Variants in PRKG1 observed in about 807,000 individuals in gnomAD.
The protein encoded by PRKG1 is protein kinase cGMP-dependent 1.
In PRKG1, 35 loss-of-function variants were observed where a neutral mutation model predicts 88.1. The observed-to-expected ratio is 0.40, with a 90% CI of 0.30 to 0.53. The LOEUF (loss-of-function observed/expected upper bound fraction) is 0.53, where lower values mean the gene tolerates loss of function less well. Among genes scored for constraint, PRKG1 ranks in the 20% least tolerant of loss-of-function variants. The pLI, the probability that PRKG1 is intolerant of heterozygous loss-of-function variation, is 0.59. For missense variants in PRKG1, 540 were observed against 839.8 expected, an observed-to-expected ratio of 0.64 and a Z score of 4.41; for synonymous variants, 303 against 292.5, an observed-to-expected ratio of 1.04 and a Z score of -0.37.
intron 3 of PRKG1, among the ~76,000 whole-genome samples, chr10:51,653,159 G>A (rs1564591311): frequency 1.3e-5 from 2 of 152,144 alleles, no homozygotes; most frequent in Non-Finnish European, 1.5e-5. Flanking sequence ...TGTGAATAGT[G>A]CTGTAATAAC....
intron 1 of PRKG1, among the ~76,000 whole-genome samples, chr10:51,139,715 G>C (rs1845777694): frequency 6.6e-6 from 1 of 152,130 alleles, no homozygotes; most frequent in Admixed American, 6.6e-5. Flanking sequence ...CCTCTCTGCT[G>C]TCACCATCCT....
intron 4 of PRKG1, among the ~76,000 whole-genome samples, chr10:51,823,849 AT>A (rs200589056): frequency 1.0e-4 from 12 of 114,520 alleles, no homozygotes; most frequent in African/African-American, 2.8e-4. Context: ...ATTATCCAGA[AT>A]TTTTTTTTCT....
rs9415746 is a variant in PRKG1 at position 51,161,342 on chromosome 10, A to G, written c.478+8012A>G. 9.8e-3 allele frequency among the ~76,000 whole-genome samples: 1,495 copies of G among 152,284 alleles called. 33 individuals carry two copies. The highest frequency in any genetic ancestry group is 0.034 in the African/African-American group (1,407 of 41,568). ...ACCAGGTGTTTTACTCTAAAACATC[A>G]TTATTGAAAAAGTGACATATTTTGA... On this transcript the variant is annotated intron_variant, in intron 2 of 17. Transcript: ENST00000373980.
At chr10:51,689,270 A>ATCTC (rs1363186306) in intron 3 of PRKG1, among the ~76,000 whole-genome samples, 2 of 151,686 alleles carry the variant, frequency 1.3e-5, no homozygotes, top group African/African-American at 4.9e-5. Context: ...CTATCTATCT[A>ATCTC]TATTTCAAAG....
chr10:50,992,466 C>A (rs1381318874), intron 1 of PRKG1, among the ~76,000 whole-genome samples: 2 of 152,162 alleles, frequency 1.3e-5, no homozygotes, highest in Non-Finnish European at 2.9e-5. Context: ...CAGCCCTGTC[C>A]CAAGGTGGAT....
chr10:51,854,155 C>A (rs1487935026), intron 4 of PRKG1, among the ~76,000 whole-genome samples: 2 of 152,072 alleles, frequency 1.3e-5, no homozygotes, highest in African/African-American at 2.4e-5. Flanking sequence ...CATAGTCACT[C>A]AGTCATTTGG....
intron 2 of PRKG1, among the ~76,000 whole-genome samples, chr10:51,283,469 C>T (rs2132206933): frequency 6.6e-6 from 1 of 152,084 alleles, no homozygotes; most frequent in South Asian, 2.1e-4. Context: ...AACATGTGTC[C>T]TAGAGCTATT....
In PRKG1 at chr10:51,946,359, G is replaced by T. The variant is rs151249498; in HGVS notation, c.762+38789G>T. On this transcript the variant is annotated intron_variant, in intron 5 of 17. Transcript: ENST00000373980. ...TGTTGTTTATTCTAGTTATACATTCGTCTAAATTTTTTCCAAAGTTTTCAG... is the reference window on the plus strand; with the variant it reads ...TGTTGTTTATTCTAGTTATACATTCTTCTAAATTTTTTCCAAAGTTTTCAG... 3.3e-3 allele frequency among the ~76,000 whole-genome samples: 499 copies of T among 152,008 alleles called. 1 individual carries two copies. The highest frequency in any genetic ancestry group is 0.021 in the Middle Eastern group (6 of 292).
At chr10:51,919,906 TTAAA>T (rs1842426824) in intron 5 of PRKG1, among the ~76,000 whole-genome samples, 1 of 152,194 alleles carries the variant, frequency 6.6e-6, no homozygotes. Flanking sequence ...CTGGTACTTA[TTAAA>T]TAAACAATAA....
At chr10:51,700,269 A>G (rs1841432107) in intron 3 of PRKG1, among the ~76,000 whole-genome samples, 1 of 152,196 alleles carries the variant, frequency 6.6e-6, no homozygotes, top group African/African-American at 2.4e-5. Flanking sequence ...AGACCCTTCT[A>G]GGTTTTTCCT....
intron 7 of PRKG1, among the ~76,000 whole-genome samples, chr10:52,068,093 C>T (rs1350793639): frequency 3.7e-5 from 5 of 135,974 alleles, no homozygotes; most frequent in African/African-American, 1.3e-4. Context: ...GTCCCAGCTA[C>T]ACGGGAGGCT....
At chr10:52,131,362 T>G (rs1176315359) in intron 7 of PRKG1, among the ~76,000 whole-genome samples, 3 of 152,070 alleles carry the variant, frequency 2.0e-5, no homozygotes, top group Non-Finnish European at 4.4e-5. Context: ...GAGAGGTATG[T>G]AGGGCTACGA....
chr10:51,746,577 G>A (rs1272900140), intron 3 of PRKG1, among the ~76,000 whole-genome samples: 1 of 152,028 alleles, frequency 6.6e-6, no homozygotes, highest in South Asian at 2.1e-4. Flanking sequence ...CAAAAAATTA[G>A]CCAGGCATCA....
intron 2 of PRKG1, among the ~76,000 whole-genome samples, chr10:51,356,820 C>T (rs1298535624): frequency 6.6e-6 from 1 of 152,012 alleles, no homozygotes; most frequent in Non-Finnish European, 1.5e-5. Flanking sequence ...GGGCAATTGC[C>T]TGACTCCCAT....
At chr10:51,678,463 T>G (rs975403495) in intron 3 of PRKG1, among the ~76,000 whole-genome samples, 2 of 152,204 alleles carry the variant, frequency 1.3e-5, no homozygotes, top group Non-Finnish European at 2.9e-5. Context: ...TACTTAAGTC[T>G]GAATCCCTGG....
intron 2 of PRKG1, among the ~76,000 whole-genome samples, chr10:51,228,018 G>C (rs998451162): frequency 6.6e-6 from 1 of 151,856 alleles, no homozygotes; most frequent in African/African-American, 2.4e-5. Flanking sequence ...TTTGGAGGGG[G>C]TGGGGAGAAT....
Position 51,906,653 on chromosome 10 carries a change from C to A in PRKG1, c.699-854C>A, listed in dbSNP as rs572841751. On this transcript the variant is annotated intron_variant, in intron 4 of 17. Transcript: ENST00000373980. Reference sequence around the variant, plus strand: ...TGTGGAGACCAAGGTTCTTATTATGCAGATGAAGCCTCCAGGTAGCAGGCT... The same window carrying A: ...TGTGGAGACCAAGGTTCTTATTATGAAGATGAAGCCTCCAGGTAGCAGGCT... 5.3e-5 allele frequency among the ~76,000 whole-genome samples: 8 copies of A among 152,148 alleles called. No individual in the cohort carries two copies. The South Asian group carries it at 1.7e-3, about 32-fold the overall frequency.
At chr10:51,288,514 A>G (rs1206434781) in intron 2 of PRKG1, among the ~76,000 whole-genome samples, 4 of 152,194 alleles carry the variant, frequency 2.6e-5, no homozygotes, top group South Asian at 2.1e-4. Context: ...TGGTAGCTTT[A>G]TGGACCCACA....
chr10:51,418,536 A>G lies in PRKG1; in HGVS notation c.479-49187A>G, dbSNP rs995244991. On this transcript the variant is annotated intron_variant, in intron 2 of 17. Transcript: ENST00000373980. ...ACTACAGATATATCTAGTTCTTGGA[A>G]GCCCAATCTTTTGATAAATGTTAAA... Among the ~76,000 whole-genome samples the G allele has an allele frequency of 3.9e-5, 6 of 152,314 alleles. 1 individual carries two copies. Among genetic ancestry groups the G allele is most frequent in the Admixed American group, 2.0e-4 (3 of 15,288 alleles).
Sources: allele counts gnomAD v4.1 joint callset (sites outside exome capture counted in the v4.1 genomes callset), GRCh38; gene constraint gnomAD v4.1.1; transcripts MANE v1.5; gene names NCBI Gene and HGNC (gene_info 2026-07-23, HGNC 2026-07-21).